IMMP2L: variants seen among roughly 807,000 people sequenced by gnomAD.
The protein encoded by IMMP2L is inner mitochondrial membrane peptidase subunit 2, also known as mitochondrial inner membrane protease subunit 2.
Under a neutral mutation model 19.3 loss-of-function variants are expected in IMMP2L, and 18 were observed. That is an observed-to-expected ratio of 0.93 (90% confidence interval 0.64 to 1.38). IMMP2L has a LOEUF of 1.38. IMMP2L is among the 40% of genes most tolerant of loss of function. IMMP2L has a pLI of 0.00. For synonymous variants in IMMP2L, 76 were observed against 73.0 expected (o/e 1.04, Z -0.21); for missense variants, 233 against 218.2 (o/e 1.07, Z -0.43).
intron 3 of IMMP2L, among the ~76,000 whole-genome samples, chr7:111,011,967 C>T (rs1221779600): frequency 6.6e-6 from 1 of 152,042 alleles, no homozygotes; most frequent in African/African-American, 2.4e-5. Context: ...TACTGGAGCC[C>T]ACTTTTCCAG....
chr7:110,907,111 C>T (rs575011631), intron 4 of IMMP2L, among the ~76,000 whole-genome samples: 14 of 152,166 alleles, frequency 9.2e-5, no homozygotes, highest in African/African-American at 2.2e-4. Flanking sequence ...AGGAGTGTTA[C>T]GTATAGTAAC....
At chr7:111,437,948 C>A (rs890092736) in intron 3 of IMMP2L, among the ~76,000 whole-genome samples, 1 of 151,824 alleles carries the variant, frequency 6.6e-6, no homozygotes. Context: ...AGTTCTGTGT[C>A]CTCCCTAGTG....
Position 111,493,852 on chromosome 7 carries a change from T to C in IMMP2L, c.136-6511A>G, listed in dbSNP as rs1843337814. Among the ~76,000 whole-genome samples the C allele has an allele frequency of 2.7e-5, 4 of 150,916 alleles. No homozygotes were observed. In the South Asian group the frequency reaches 8.4e-4, roughly 32 times the overall value. On this transcript the variant is annotated intron_variant, in intron 2 of 5. Coordinates refer to ENST00000405709, the MANE Select transcript of IMMP2L (RefSeq NM_032549.4). Reference sequence around the variant, plus strand: ...TGAAACCCCGTCTCTGCCAAAAAATTAGCCGGGTGTAGTGGTGGGCCGCTG... The same window carrying C: ...TGAAACCCCGTCTCTGCCAAAAAATCAGCCGGGTGTAGTGGTGGGCCGCTG...
At chr7:111,467,072 T>A (rs186778121) in intron 3 of IMMP2L, among the ~76,000 whole-genome samples, 22 of 152,158 alleles carry the variant, frequency 1.4e-4, no homozygotes, top group African/African-American at 5.3e-4. Flanking sequence ...AAAACCAGAT[T>A]GACCAAATAG....
In IMMP2L at chr7:111,438,049, A is replaced by G. The variant is rs183616264; in HGVS notation, c.239+49189T>C. Among the ~76,000 whole-genome samples, 115 of 151,982 alleles carry G rather than the reference A, an allele frequency of 7.6e-4. 1 individual carries two copies. The highest frequency in any genetic ancestry group is 3.4e-3 in the Middle Eastern group (1 of 294). ...AATATTCTTTAACATTATGTTACAC[A>G]AGCATGTACAAATTATTTGCTCTTT... On this transcript the variant is annotated intron_variant, in intron 3 of 5. Transcript: ENST00000405709.
intron 3 of IMMP2L, among the ~76,000 whole-genome samples, chr7:111,303,477 T>C (rs1306426654): frequency 6.6e-6 from 1 of 152,118 alleles, no homozygotes; most frequent in Non-Finnish European, 1.5e-5. Context: ...ATGCTTTTAC[T>C]TACCTCTATA....
intron 5 of IMMP2L, among the ~76,000 whole-genome samples, chr7:110,846,998 T>A (rs1026737012): frequency 1.3e-5 from 2 of 152,180 alleles, no homozygotes; most frequent in African/African-American, 4.8e-5. Context: ...TTCTTCAGTG[T>A]TTTCCAGATG....
intron 3 of IMMP2L, among the ~76,000 whole-genome samples, chr7:111,107,306 C>T (rs1469909193): frequency 6.6e-6 from 1 of 151,892 alleles, no homozygotes; most frequent in Admixed American, 6.6e-5. Flanking sequence ...TGTAAAATTG[C>T]CTTATATTAC....
chr7:111,477,792 G>A (rs1841841623), intron 3 of IMMP2L, among the ~76,000 whole-genome samples: 1 of 152,068 alleles, frequency 6.6e-6, no homozygotes, highest in African/African-American at 2.4e-5. Flanking sequence ...CAGCTACTCA[G>A]GAGGCTGAGG....
chr7:111,357,516 T>C (rs866346290), intron 3 of IMMP2L, among the ~76,000 whole-genome samples: 21 of 152,256 alleles, frequency 1.4e-4, no homozygotes, highest in African/African-American at 4.8e-4. Context: ...CATGTTTAAT[T>C]GCCACATTAA....
chr7:111,148,147 A>G (rs1803683365), intron 3 of IMMP2L, among the ~76,000 whole-genome samples: 1 of 152,138 alleles, frequency 6.6e-6, no homozygotes, highest in Non-Finnish European at 1.5e-5. Flanking sequence ...AACGTGGTAC[A>G]TCTATACAAT....
At chr7:110,992,297 T>C (rs933145228) in intron 3 of IMMP2L, among the ~76,000 whole-genome samples, 8 of 152,034 alleles carry the variant, frequency 5.3e-5, no homozygotes, top group African/African-American at 1.7e-4. Flanking sequence ...ATATTTCCTA[T>C]GGTTTCAGTA....
chr7:111,326,528 T>C (rs1421523177), intron 3 of IMMP2L, among the ~76,000 whole-genome samples: 4 of 151,782 alleles, frequency 2.6e-5, no homozygotes, highest in African/African-American at 9.7e-5. Flanking sequence ...TCATTAAGAT[T>C]CCTACTTCTC....
At chr7:110,705,979 G>A (rs1794650728) in intron 5 of IMMP2L, among the ~76,000 whole-genome samples, 1 of 152,068 alleles carries the variant, frequency 6.6e-6, no homozygotes, top group Non-Finnish European at 1.5e-5. Flanking sequence ...GGGCACCTAG[G>A]TTGATTCCTT....
At chr7:111,342,167 T>C (rs1325111826) in intron 3 of IMMP2L, among the ~76,000 whole-genome samples, 1 of 152,176 alleles carries the variant, frequency 6.6e-6, no homozygotes, top group Non-Finnish European at 1.5e-5. Context: ...GAAATAACTT[T>C]TGTATTTGGG....
chr7:110,679,563 C>A (rs184969935), intron 5 of IMMP2L, among the ~76,000 whole-genome samples: 1 of 152,066 alleles, frequency 6.6e-6, no homozygotes, highest in Admixed American at 6.6e-5. Context: ...AGGCAGCCAC[C>A]GAGACAGACT....
intron 3 of IMMP2L, among the ~76,000 whole-genome samples, chr7:111,076,631 C>T (rs1795438800): frequency 6.6e-6 from 1 of 152,184 alleles, no homozygotes. Flanking sequence ...AACCCAGCAT[C>T]TGTGGTTCAG....
At chr7:111,443,919 C>A (rs938541723) in intron 3 of IMMP2L, among the ~76,000 whole-genome samples, 1 of 151,980 alleles carries the variant, frequency 6.6e-6, no homozygotes, top group African/African-American at 2.4e-5. Context: ...TATGTGAAAA[C>A]TGAACTGTAA....
chr7:110,937,766 C>G (rs1028205591), intron 4 of IMMP2L, among the ~76,000 whole-genome samples: 14 of 152,124 alleles, frequency 9.2e-5, no homozygotes, highest in African/African-American at 3.4e-4. Flanking sequence ...ATACTATGTC[C>G]TGGCAGAAGA....
Sources: allele counts gnomAD v4.1 joint callset (sites outside exome capture counted in the v4.1 genomes callset), GRCh38; gene constraint gnomAD v4.1.1; transcripts MANE v1.5; gene names NCBI Gene and HGNC (gene_info 2026-07-23, HGNC 2026-07-21).